AMPD3: variants seen among roughly 807,000 people sequenced by gnomAD.
AMPD3 encodes AMP deaminase 3.
Under a neutral mutation model 82.3 loss-of-function variants are expected in AMPD3, and 57 were observed. The ratio of observed to expected loss-of-function variants is 0.69; its 90% CI spans 0.56 to 0.86. The LOEUF is 0.86. Ranked by LOEUF, AMPD3 falls within the 40% of genes least tolerant of loss-of-function variation. The pLI, the probability that AMPD3 is intolerant of heterozygous loss-of-function variation, is 0.00. For synonymous variants in AMPD3, 381 were observed against 394.7 expected, an observed-to-expected ratio of 0.97 and a Z score of 0.41; for missense variants, 870 against 1,003.8, an observed-to-expected ratio of 0.87 and a Z score of 1.80.
intron 2 of AMPD3, among the ~76,000 whole-genome samples, chr11:10,470,845 A>G (rs1446367738): frequency 2.6e-5 from 4 of 152,236 alleles, no homozygotes; most frequent in Non-Finnish European, 4.4e-5. Flanking sequence ...TTCCATGCTC[A>G]TGGATAGGAA....
At position 10,505,920 on chromosome 11, in the gene AMPD3, C is replaced by T; in HGVS notation, c.*36C>T. 3 of 1,611,560 alleles carry T rather than the reference C, an allele frequency of 1.9e-6. No homozygotes were observed. Among genetic ancestry groups the T allele is most frequent in the Non-Finnish European group, 2.5e-6 (3 of 1,178,482 alleles). On this transcript the variant is annotated 3_prime_UTR_variant, in exon 15 of 15. Coordinates refer to ENST00000396553, the MANE Select transcript of AMPD3 (RefSeq NM_001025389.2). ...TGACATGCATTTTAACTTTTTGGTT[C>T]AATTTCAAGTCTGCTGTGGCTAATA... is the stretch of plus-strand genomic sequence containing the variant.
At chr11:10,460,292 T>G (rs1257140821) in intron 1 of AMPD3, among the ~76,000 whole-genome samples, 1 of 150,298 alleles carries the variant, frequency 6.7e-6, no homozygotes, top group Admixed American at 6.7e-5. Context: ...AGGGATGAGG[T>G]TTTGCCATGT....
chr11:10,496,401 C>T (rs985829647), intron 9 of AMPD3: 1 of 985,274 alleles, frequency 1.0e-6, no homozygotes, highest in African/African-American at 1.7e-5. Context: ...CGGCTGCTGT[C>T]CTCTCCAGGC....
intron 1 of AMPD3, among the ~76,000 whole-genome samples, chr11:10,460,598 G>A (rs1443270360): frequency 6.6e-6 from 1 of 151,576 alleles, no homozygotes; most frequent in Admixed American, 6.6e-5. Context: ...TAGTAGAGAC[G>A]TGGTTTTGCC....
At chr11:10,478,463 T>A in intron 2 of AMPD3, 63 bp from the exon 3 acceptor site, 1 of 1,600,366 alleles carries the variant, frequency 6.2e-7, no homozygotes, top group African/African-American at 1.3e-5. Flanking sequence ...CAGCAAAGAG[T>A]CTTTATCACT....
intron 2 of AMPD3, among the ~76,000 whole-genome samples, chr11:10,474,980 C>T (rs552363749): frequency 6.6e-5 from 10 of 152,336 alleles, no homozygotes; most frequent in African/African-American, 2.4e-4. Flanking sequence ...TTCATACACA[C>T]ACTCATAGAC....
chr11:10,477,677 A>G (rs866147671), intron 2 of AMPD3, among the ~76,000 whole-genome samples: 1 of 152,186 alleles, frequency 6.6e-6, no homozygotes, highest in East Asian at 1.9e-4. Flanking sequence ...CTCCCCAAAC[A>G]GAGGTACATA....
intron 1 of AMPD3, among the ~76,000 whole-genome samples, chr11:10,459,064 T>C (rs1218555017): frequency 6.6e-6 from 1 of 152,000 alleles, no homozygotes; most frequent in African/African-American, 2.4e-5. Flanking sequence ...GCTTCCCCCC[T>C]CTCTGCTATC....
chr11:10,479,279 C>G (rs529378837), intron 3 of AMPD3, among the ~76,000 whole-genome samples: 1 of 152,276 alleles, frequency 6.6e-6, no homozygotes, highest in East Asian at 1.9e-4. Flanking sequence ...CTAATTTCAC[C>G]TGATTGGATG....
At chr11:10,475,096 G>C (rs1447437181) in intron 2 of AMPD3, among the ~76,000 whole-genome samples, 1 of 152,200 alleles carries the variant, frequency 6.6e-6, no homozygotes, top group Non-Finnish European at 1.5e-5. Context: ...AGGCTGTACA[G>C]GAAGCATGGC....
chr11:10,455,268 T>C lies in AMPD3; in HGVS notation c.-186T>C. On this transcript the variant is annotated 5_prime_UTR_variant, in exon 1 of 15. Coordinates refer to ENST00000396553, the MANE Select transcript of AMPD3 (RefSeq NM_001025389.2). ...GTGTCTGTTCTGAGCCTTCCCACTC[T>C]CCTAAAGGGCAGATGAAGATCAGAG... 3.0e-6 allele frequency: 3 copies of C among 985,464 alleles called. No individual in the cohort carries two copies. Among genetic ancestry groups the C allele is most frequent in the Non-Finnish European group, 3.6e-6 (3 of 829,964 alleles). The allele number at this position is 985,464 out of a possible 1,614,324, so 61.0% of individuals were successfully genotyped here. A position where few individuals can be genotyped will look rare whatever the true frequency, so the allele number is the denominator to read the frequency against.
chr11:10,490,995 C>T (rs1051336183), intron 6 of AMPD3, among the ~76,000 whole-genome samples: 3 of 152,172 alleles, frequency 2.0e-5, no homozygotes, highest in East Asian at 1.9e-4. Flanking sequence ...CTGTGGCTAA[C>T]GACATGGGCT....
Position 10,484,990 on chromosome 11 carries a change from T to C in AMPD3, c.760T>C (p.Tyr254His). 1 of 1,614,034 alleles carries C rather than the reference T, an allele frequency of 6.2e-7. No homozygotes were observed. Among genetic ancestry groups the C allele is most frequent in the Non-Finnish European group, 8.5e-7 (1 of 1,180,016 alleles). The change falls in exon 5 of 15, where the codon TAC becomes CAC. Residue 254 changes from tyrosine to histidine, a missense_variant. Physicochemically the swap from Tyr to His is moderately conservative, Grantham distance 83. Coordinates refer to ENST00000396553, the MANE Select transcript of AMPD3 (RefSeq NM_001025389.2). ...CCTACCCTACCCCGACCTGGAGACC[T>C]ACACGGTGGACATGAGCCACATCCT... ...HSLPYPDLET[Y>H]TVDMSHILAL...
intron 2 of AMPD3, among the ~76,000 whole-genome samples, chr11:10,468,161 G>A (rs1388391725): frequency 3.9e-5 from 6 of 152,102 alleles, no homozygotes; most frequent in South Asian, 2.1e-4. Context: ...AAATTCACAC[G>A]TAACAATATT....
intron 2 of AMPD3, among the ~76,000 whole-genome samples, chr11:10,464,775 C>T (rs1340902031): frequency 6.6e-6 from 1 of 152,236 alleles, no homozygotes; most frequent in Non-Finnish European, 1.5e-5. Context: ...CTCTCCCCAG[C>T]TCCCTCTTTG....
rs930672 is a variant in AMPD3 at position 10,456,961 on chromosome 11, T to G, written c.-6+1513T>G. Among the ~76,000 whole-genome samples, 1 of 149,964 alleles carries G rather than the reference T, an allele frequency of 6.7e-6. No individual in the cohort carries two copies. The highest frequency in any genetic ancestry group is 1.5e-5 in the Non-Finnish European group (1 of 67,692). ...TATGGAATTAATTATTTTGTTGTGGTTGCTGTTGTTTCTTGCTTTTTTTTT... is the reference window on the plus strand; with the variant it reads ...TATGGAATTAATTATTTTGTTGTGGGTGCTGTTGTTTCTTGCTTTTTTTTT... On this transcript the variant is annotated intron_variant, in intron 1 of 14. Transcript: ENST00000396553. The surrounding 1 kb of genome is among the most constrained non-coding windows in gnomAD (Gnocchi z 4.3).
At chr11:10,478,753 G>A in intron 3 of AMPD3, 23 bp downstream of exon 3, 1 of 1,606,704 alleles carries the variant, frequency 6.2e-7, no homozygotes, top group Non-Finnish European at 8.5e-7. Flanking sequence ...TGAGAGTGTT[G>A]AATGTGCCTT....
At chr11:10,495,916 CT>C (rs35114038) in intron 9 of AMPD3, among the ~76,000 whole-genome samples, 183 bp downstream of exon 9, 9,762 of 133,024 alleles carry the variant, frequency 0.073, 244 homozygotes, top group Non-Finnish European at 0.083. Context: ...CACTAGAGCT[CT>C]TTTTTTTTTT....
In AMPD3 at chr11:10,499,670, G is replaced by A. The variant is rs1179815506; in HGVS notation, c.1558-416G>A. The A allele has an allele frequency of 1.5e-5, 15 of 985,308 alleles. No individual in the cohort carries two copies. The Admixed American group carries it at 9.2e-4, about 61-fold the overall frequency. 61.0% of individuals were successfully genotyped at this position (985,308 alleles called of 1,614,324 possible). Reference sequence around the variant, plus strand: ...CTTTGAGCAGGGCTTGATGAGTGATGTGTACTAGGACCCTTTTCCCTCATC... The same window carrying A: ...CTTTGAGCAGGGCTTGATGAGTGATATGTACTAGGACCCTTTTCCCTCATC... On this transcript the variant is annotated intron_variant, in intron 10 of 14. Coordinates refer to ENST00000396553, the MANE Select transcript of AMPD3 (RefSeq NM_001025389.2).
Sources: allele counts gnomAD v4.1 joint callset (sites outside exome capture counted in the v4.1 genomes callset), GRCh38; gene constraint gnomAD v4.1.1; non-coding constraint Gnocchi (gnomAD v3.1); transcripts MANE v1.5; gene names NCBI Gene and HGNC (gene_info 2026-07-23, HGNC 2026-07-21).